AGBL1: variants seen among roughly 807,000 people sequenced by gnomAD.
AGBL1 encodes cytosolic carboxypeptidase 4.
Under a neutral mutation model 118.9 loss-of-function variants are expected in AGBL1, and 130 were observed. The ratio of observed to expected loss-of-function variants is 1.09; its 90% CI spans 0.95 to 1.26. The LOEUF (loss-of-function observed/expected upper bound fraction) is 1.26. Among genes scored for constraint, AGBL1 ranks in the 50% most tolerant of loss-of-function variants. The probability of loss-of-function intolerance (pLI) is 0.00; values close to 1 mark genes in which losing one functional copy is unlikely to be tolerated. For synonymous variants in AGBL1, 555 were observed against 478.9 expected (o/e 1.16, Z -2.08); for missense variants, 1,584 against 1,298.1 (o/e 1.22, Z -3.38).
rs869042604 is a variant in AGBL1 at position 86,825,387 on chromosome 15, T to TAAAAAAAAAAA, written c.3159-81674_3159-81664dup. On this transcript the variant is annotated intron_variant, in intron 22 of 22. Coordinates refer to ENST00000614907, the MANE Select transcript of AGBL1 (RefSeq NM_001386094.1). Reference sequence around the variant, plus strand: ...AGTTGAAAAGACAAGGTAGAAACTGTAAAAAAAAAAAAAAAAAAAAAAAAA... The same window carrying TAAAAAAAAAAA: ...AGTTGAAAAGACAAGGTAGAAACTGTAAAAAAAAAAAAAAAAAAAAAAAAAAAAAAAAAAAA... Among the ~76,000 whole-genome samples, 3 of 11,146 alleles carry TAAAAAAAAAAA rather than the reference T, an allele frequency of 2.7e-4. 1 individual carries two copies. The highest frequency in any genetic ancestry group is 5.0e-4 in the African/African-American group (1 of 2,006). The allele number at this position is 11,146 out of a possible 152,430, so 7.3% of individuals were successfully genotyped here.
intron 17 of AGBL1, among the ~76,000 whole-genome samples, chr15:86,380,259 TTCTTC>T (rs2081094378): frequency 5.1e-4 from 23 of 44,966 alleles, no homozygotes; most frequent in East Asian, 2.5e-3. Flanking sequence ...CTCCCTCCCT[TTCTTC>T]CTTCCTTCCT....
chr15:86,179,408 G>T (rs954816101), intron 5 of AGBL1, among the ~76,000 whole-genome samples: 2 of 152,102 alleles, frequency 1.3e-5, no homozygotes, highest in Admixed American at 1.3e-4. Flanking sequence ...AGTTTAACAC[G>T]TGTAGAAATC....
intron 24 of AGBL1, among the ~76,000 whole-genome samples, chr15:86,999,700 T>A (rs1445644973): frequency 6.6e-6 from 1 of 151,538 alleles, no homozygotes; most frequent in African/African-American, 2.4e-5. Flanking sequence ...GGTGCATGTG[T>A]CTTTACAGCA....
intron 22 of AGBL1, among the ~76,000 whole-genome samples, chr15:86,699,805 A>G (rs1018321859): frequency 1.3e-5 from 2 of 152,016 alleles, no homozygotes; most frequent in Non-Finnish European, 2.9e-5. Flanking sequence ...TCCCCTCTGT[A>G]TAGTTTCTAT....
intron 16 of AGBL1, 114 bp from the exon 17 acceptor site, chr15:86,295,141 A>C: frequency 7.8e-7 from 1 of 1,284,906 alleles, no homozygotes; most frequent in Non-Finnish European, 1.1e-6. Flanking sequence ...TACATAAAGG[A>C]CAGATTAGAT....
chr15:86,786,357 A>G (rs2078413052), intron 22 of AGBL1, among the ~76,000 whole-genome samples: 1 of 151,928 alleles, frequency 6.6e-6, no homozygotes, highest in Admixed American at 6.6e-5. Context: ...CATGACTGCC[A>G]GGGGCTCTGG....
At chr15:86,702,986 A>T (rs1342261497) in intron 22 of AGBL1, among the ~76,000 whole-genome samples, 3 of 152,150 alleles carry the variant, frequency 2.0e-5, no homozygotes, top group African/African-American at 7.2e-5. Context: ...TGATTGGAGG[A>T]TGAGGATGAA....
chr15:86,231,745 G>C (rs1179144063), intron 6 of AGBL1, among the ~76,000 whole-genome samples: 1 of 152,232 alleles, frequency 6.6e-6, no homozygotes, highest in Non-Finnish European at 1.5e-5. Flanking sequence ...GGGCTTACCT[G>C]CCAGTCTCCA....
chr15:86,255,427 T>G (rs1271524908), intron 7 of AGBL1, among the ~76,000 whole-genome samples: 1 of 152,248 alleles, frequency 6.6e-6, no homozygotes, highest in Non-Finnish European at 1.5e-5. Context: ...TGGGTATGAC[T>G]GGCACACACT....
intron 22 of AGBL1, among the ~76,000 whole-genome samples, chr15:86,723,487 A>G (rs1425998835): frequency 6.6e-6 from 1 of 152,118 alleles, no homozygotes; most frequent in Non-Finnish European, 1.5e-5. Context: ...GGGGAACATC[A>G]CACACCGGGG....
At chr15:86,206,448 T>C (rs2077993545) in intron 5 of AGBL1, among the ~76,000 whole-genome samples, 1 of 152,236 alleles carries the variant, frequency 6.6e-6, no homozygotes, top group Non-Finnish European at 1.5e-5. Flanking sequence ...AAAGTGTTCC[T>C]ATTTCTCCAC....
At chr15:86,080,263 G>A (rs559973343) in intron 1 of AGBL1, 2 of 363,630 alleles carry the variant, frequency 5.5e-6, no homozygotes, top group African/African-American at 4.2e-5. Context: ...TGGGATCAGA[G>A]GCTCTGGGTA....
rs2080394567 is a variant in AGBL1, at chr15:86,914,488, T to C, written c.*7194T>C. 6.6e-6 allele frequency: 1 copy of C among 152,162 alleles called. No individual in the cohort carries two copies. The highest frequency in any genetic ancestry group is 2.4e-5 in the African/African-American group (1 of 41,432). The allele number at this position is 152,162 out of a possible 1,614,324, so 9.4% of individuals were successfully genotyped here. ...CGGGGAAATCTGACTTCCTAACTCA[T>C]GCTCCCTCCACTTCCCCAGAGGAGG... On this transcript the variant is annotated 3_prime_UTR_variant, in exon 23 of 23. Transcript: ENST00000614907.
chr15:86,544,778 T>C (rs1225789210), intron 19 of AGBL1, among the ~76,000 whole-genome samples: 3 of 152,314 alleles, frequency 2.0e-5, no homozygotes, highest in African/African-American at 7.2e-5. Context: ...AGCCAAACCA[T>C]ATCAATGGCT....
intron 22 of AGBL1, among the ~76,000 whole-genome samples, chr15:86,705,305 A>AACAAC: frequency 6.6e-6 from 1 of 152,162 alleles, no homozygotes; most frequent in Non-Finnish European, 1.5e-5. Flanking sequence ...AACAAAACAA[A>AACAAC]ACAAAACAAA....
At chr15:86,976,925 TA>T (rs2081181915) in intron 23 of AGBL1, among the ~76,000 whole-genome samples, 1 of 152,066 alleles carries the variant, frequency 6.6e-6, no homozygotes, top group East Asian at 1.9e-4. Flanking sequence ...AATGTCTTCA[TA>T]TATATTTCAA....
In AGBL1 at chr15:86,737,698, A is replaced by T. The variant is rs144307778; in HGVS notation, c.3158+63262A>T. Among the ~76,000 whole-genome samples, 265 of 152,308 alleles carry T rather than the reference A, an allele frequency of 1.7e-3. 1 individual carries two copies. Among genetic ancestry groups the T allele is most frequent in the Admixed American group, 0.016 (246 of 15,286 alleles). On this transcript the variant is annotated intron_variant, in intron 22 of 22. Coordinates refer to ENST00000614907, the MANE Select transcript of AGBL1 (RefSeq NM_001386094.1). Reference sequence around the variant, plus strand: ...GGGGTTTCAATGGTAAAGATCCCACATACTGCTGCTCTGCTCCTTTTATAA... The same window carrying T: ...GGGGTTTCAATGGTAAAGATCCCACTTACTGCTGCTCTGCTCCTTTTATAA...
chr15:86,752,547 CT>C (rs2077870991), intron 22 of AGBL1, among the ~76,000 whole-genome samples: 1 of 152,086 alleles, frequency 6.6e-6, no homozygotes. Flanking sequence ...CAGATCCATG[CT>C]TTAGGGAGAA....
chr15:86,741,143 G>A lies in AGBL1; in HGVS notation c.3158+66707G>A, dbSNP rs1358524001. Among the ~76,000 whole-genome samples, 3 of 151,764 alleles carry A rather than the reference G, an allele frequency of 2.0e-5. No homozygotes were observed. The East Asian group carries it at 5.8e-4, about 30-fold the overall frequency. On this transcript the variant is annotated intron_variant, in intron 22 of 22. Transcript: ENST00000614907. ...TTTTGATTGCATCCTCACAAGTTAGGGGACCACTGTGGTTTGTCAGCTATG... is the reference window on the plus strand; with the variant it reads ...TTTTGATTGCATCCTCACAAGTTAGAGGACCACTGTGGTTTGTCAGCTATG...
Sources: allele counts gnomAD v4.1 joint callset (sites outside exome capture counted in the v4.1 genomes callset), GRCh38; gene constraint gnomAD v4.1.1; transcripts MANE v1.5; gene names NCBI Gene and HGNC (gene_info 2026-07-23, HGNC 2026-07-21).